N4BP1: variants seen among roughly 807,000 people sequenced by gnomAD.
N4BP1 encodes NEDD4 binding protein 1, also known as NEDD4-binding protein 1.
N4BP1 carries 21 observed loss-of-function variants against 70.9 expected under a neutral mutation model. The observed-to-expected ratio is 0.30, with a 90% CI of 0.21 to 0.43. N4BP1 has a LOEUF of 0.43. Among genes scored for constraint, N4BP1 ranks in the 20% least tolerant of loss-of-function variants. N4BP1 has a pLI of 1.00. For missense variants in N4BP1, 936 were observed against 1,069.4 expected (o/e 0.88, Z 1.74); for synonymous variants, 387 against 394.6 (o/e 0.98, Z 0.23).
At chr16:48,589,405 T>C (rs1421778115) in intron 1 of N4BP1, among the ~76,000 whole-genome samples, 3 of 152,148 alleles carry the variant, frequency 2.0e-5, no homozygotes, top group Non-Finnish European at 4.4e-5. Context: ...CACGCCTATG[T>C]AATGAGGCTT....
intron 1 of N4BP1, among the ~76,000 whole-genome samples, chr16:48,579,647 A>G (rs997139391): frequency 1.3e-5 from 2 of 152,004 alleles, no homozygotes; most frequent in African/African-American, 2.4e-5. Flanking sequence ...TTCCAATAAT[A>G]ACCTTGAATA....
At chr16:48,553,767 G>T in intron 2 of N4BP1, 98 bp from the exon 3 acceptor site, 1 of 1,035,096 alleles carries the variant, frequency 9.7e-7, no homozygotes. Context: ...ACAACAAACA[G>T]TAAGAACAAA....
chr16:48,568,348 T>C (rs182467253), intron 1 of N4BP1, among the ~76,000 whole-genome samples: 2 of 152,364 alleles, frequency 1.3e-5, no homozygotes, highest in East Asian at 3.9e-4. Context: ...AGTGATCTCA[T>C]ACATTATATT....
rs1308831488 is a variant in N4BP1 at position 48,541,091 on chromosome 16, C to T, written c.*1813G>A. 1.3e-5 allele frequency: 2 copies of T among 152,228 alleles called. No homozygotes were observed. The highest frequency in any genetic ancestry group is 2.1e-4 in the South Asian group (1 of 4,820). The allele number at this position is 152,228 out of a possible 1,614,324, so 9.4% of individuals were successfully genotyped here. A position where few individuals can be genotyped will look rare whatever the true frequency, so the allele number is the denominator to read the frequency against. On this transcript the variant is annotated 3_prime_UTR_variant, in exon 7 of 7. Coordinates refer to ENST00000262384, the MANE Select transcript of N4BP1 (RefSeq NM_153029.4). ...GGTGGCCCCCTCAGCCTAGCCAGCA[C>T]CAACCAGCATGGGTGGAGACTCAGC...
At chr16:48,583,835 A>T (rs1338232359) in intron 1 of N4BP1, among the ~76,000 whole-genome samples, 27 of 152,164 alleles carry the variant, frequency 1.8e-4, no homozygotes, top group Non-Finnish European at 5.9e-5. Flanking sequence ...AGATGCCCGA[A>T]GGGACTCTCA....
intron 1 of N4BP1, among the ~76,000 whole-genome samples, chr16:48,570,256 C>T (rs1295836700): frequency 2.0e-5 from 3 of 152,170 alleles, no homozygotes; most frequent in Admixed American, 2.0e-4. Context: ...TCCTGGTGCC[C>T]ATTTCCACTT....
chr16:48,559,961 G>C (rs1471281508), intron 2 of N4BP1, among the ~76,000 whole-genome samples: 1 of 152,140 alleles, frequency 6.6e-6, no homozygotes. Context: ...TGTCCTTAAG[G>C]ACAGGTCAGA....
At chr16:48,600,810 T>C (rs757868489) in intron 1 of N4BP1, among the ~76,000 whole-genome samples, 12 of 152,236 alleles carry the variant, frequency 7.9e-5, no homozygotes, top group Non-Finnish European at 1.6e-4. Flanking sequence ...TTACAGATGT[T>C]AGATTGCATC....
chr16:48,592,029 T>C (rs937253434), intron 1 of N4BP1, among the ~76,000 whole-genome samples: 2 of 152,144 alleles, frequency 1.3e-5, no homozygotes, highest in Non-Finnish European at 1.5e-5. Flanking sequence ...CTTGGCTCAC[T>C]GCACGCTTTA....
Position 48,543,157 on chromosome 16 carries a change from G to T in N4BP1, c.2438C>A (p.Thr813Asn). 1 of 1,603,364 alleles carries T rather than the reference G, an allele frequency of 6.2e-7. No individual in the cohort carries two copies. Among genetic ancestry groups the T allele is most frequent in the Non-Finnish European group, 8.5e-7 (1 of 1,171,812 alleles). The change falls in exon 7 of 7, where the codon ACC (threonine) becomes AAC (asparagine). Residue 813 changes from threonine (T) to asparagine (N), a missense_variant. Thr to Asn is a moderately conservative substitution (Grantham distance 65). Around this residue, in one of 4 missense-constraint regions of N4BP1, gnomAD observed 229 missense variants for 343.5 expected, o/e 0.67. Coordinates refer to ENST00000262384, the MANE Select transcript of N4BP1 (RefSeq NM_153029.4). ...QAASTSHQPP[T>N]RIQGAPSSHW... ...GCTTGAAGGGGCTCCCTGAATCCGG[G>T]TCGGAGGCTGGTGGCTGGTGCTGGC...
chr16:48,609,605 C>T (rs1463510784), intron 1 of N4BP1, among the ~76,000 whole-genome samples, 170 bp downstream of exon 1: 1 of 152,230 alleles, frequency 6.6e-6, no homozygotes, highest in African/African-American at 2.4e-5. Context: ...GATCAAGCCG[C>T]TATCCAAGGT....
intron 4 of N4BP1, among the ~76,000 whole-genome samples, chr16:48,550,799 T>C (rs991536933): frequency 2.0e-5 from 3 of 151,996 alleles, no homozygotes; most frequent in Non-Finnish European, 4.4e-5. Context: ...TTGCCTGTAA[T>C]CCCAGCTACT....
chr16:48,604,920 G>A lies in N4BP1; in HGVS notation c.198+4855C>T, dbSNP rs1445838271. Among the ~76,000 whole-genome samples the A allele has an allele frequency of 2.0e-5, 3 of 152,088 alleles. No homozygotes were observed. In the East Asian group the frequency reaches 5.8e-4, roughly 29 times the overall value. On this transcript the variant is annotated intron_variant, in intron 1 of 6. Coordinates refer to ENST00000262384, the MANE Select transcript of N4BP1 (RefSeq NM_153029.4). ...GCTGCCCTCTCCAAAAGGGCCACAC[G>A]GCTTCATTCACCACAGTCCCTCTTC...
rs535136004 is a variant in N4BP1 at position 48,597,009 on chromosome 16, GACA to G, written c.198+12763_198+12765del. Among the ~76,000 whole-genome samples, 275 of 152,274 alleles carry G rather than the reference GACA, an allele frequency of 1.8e-3. 1 individual carries two copies. Among genetic ancestry groups the G allele is most frequent in the African/African-American group, 6.2e-3 (259 of 41,562 alleles). ...TCTGCCATCCCACCCAGGAACAGAAGACAACAAGAACATCTCACTTCAACCCCC... is the reference window on the plus strand; with the variant it reads ...TCTGCCATCCCACCCAGGAACAGAAGACAAGAACATCTCACTTCAACCCCC... On this transcript the variant is annotated intron_variant, in intron 1 of 6. Transcript: ENST00000262384.
intron 2 of N4BP1, among the ~76,000 whole-genome samples, chr16:48,558,767 A>G (rs1471869401): frequency 6.6e-6 from 1 of 152,164 alleles, no homozygotes; most frequent in Non-Finnish European, 1.5e-5. Context: ...CTGAAGTGAC[A>G]TTTTTGCTTA....
At position 48,539,700 on chromosome 16, in the gene N4BP1, C is replaced by T. The variant is rs1951101217; in HGVS notation, c.*3204G>A. 6.6e-6 allele frequency: 1 copy of T among 152,310 alleles called. No individual in the cohort carries two copies. Among genetic ancestry groups the T allele is most frequent in the Non-Finnish European group, 1.5e-5 (1 of 68,112 alleles). 9.4% of individuals were successfully genotyped at this position (152,310 alleles called of 1,614,324 possible). A position where few individuals can be genotyped will look rare whatever the true frequency, so the allele number is the denominator to read the frequency against. Reference sequence around the variant, plus strand: ...ACCTACATTCTTAACACCAGCTGCCCTCTCCACCACCACGAGCCCCAAAGG... The same window carrying T: ...ACCTACATTCTTAACACCAGCTGCCTTCTCCACCACCACGAGCCCCAAAGG... On this transcript the variant is annotated 3_prime_UTR_variant, in exon 7 of 7. Transcript: ENST00000262384.
At chr16:48,543,781 C>T (rs112725324) in intron 6 of N4BP1, among the ~76,000 whole-genome samples, 1 of 152,134 alleles carries the variant, frequency 6.6e-6, no homozygotes, top group African/African-American at 2.4e-5. Flanking sequence ...ATCTGTATCG[C>T]TCAAAAGCCT....
intron 1 of N4BP1, among the ~76,000 whole-genome samples, chr16:48,587,957 T>C (rs1034506015): frequency 2.0e-5 from 3 of 152,112 alleles, no homozygotes; most frequent in East Asian, 3.9e-4. Flanking sequence ...TATGTAGAGA[T>C]AGTTTTCTTG....
intron 1 of N4BP1, among the ~76,000 whole-genome samples, chr16:48,562,715 T>C (rs1391523622): frequency 6.6e-6 from 1 of 152,214 alleles, no homozygotes; most frequent in Non-Finnish European, 1.5e-5. Flanking sequence ...AGGGATTTGC[T>C]GAGCTACACA....
Sources: allele counts gnomAD v4.1 joint callset (sites outside exome capture counted in the v4.1 genomes callset), GRCh38; gene constraint gnomAD v4.1.1; regional missense constraint gnomAD v4.1.1; transcripts MANE v1.5; gene names NCBI Gene and HGNC (gene_info 2026-07-23, HGNC 2026-07-21).